Variants in DBT observed in about 807,000 individuals in gnomAD.
DBT encodes the protein dihydrolipoamide branched chain transacylase E2.
Under a neutral mutation model 51.3 loss-of-function variants are expected in DBT, and 40 were observed. The ratio of observed to expected loss-of-function variants is 0.78; its 90% confidence interval spans 0.61 to 1.02. The LOEUF (loss-of-function observed/expected upper bound fraction) is 1.02, where lower values mean the gene tolerates loss of function less well. Among genes scored for constraint, DBT ranks in the 50% least tolerant of loss-of-function variants. The pLI is 0.00. For synonymous variants in DBT, 181 were observed against 190.4 expected, an observed-to-expected ratio of 0.95 and a Z score of 0.41; for missense variants, 510 against 580.2, an observed-to-expected ratio of 0.88 and a Z score of 1.24.
At chr1:100,201,557 C>G (rs545542947) in intron 10 of DBT, among the ~76,000 whole-genome samples, 1 of 152,162 alleles carries the variant, frequency 6.6e-6, no homozygotes, top group East Asian at 1.9e-4. Context: ...CAGAAAACAC[C>G]ACAAAGATAC....
At position 100,187,561 on chromosome 1, in the gene DBT, T is replaced by C. The variant is rs1457160187; in HGVS notation, c.*8694A>G. The C allele has an allele frequency of 6.6e-6, 1 of 152,254 alleles. No individual in the cohort carries two copies. Among genetic ancestry groups the C allele is most frequent in the East Asian group, 1.9e-4 (1 of 5,204 alleles). The allele number at this position is 152,254 out of a possible 1,614,324, so 9.4% of individuals were successfully genotyped here. The stretch of plus-strand genomic sequence containing the variant: ...TTGTTTATTTGAGACAAAGTCTCAC[T>C]CTGTCACCCAGGCTGGAGTGCAGTG... On this transcript the variant is annotated 3_prime_UTR_variant, in exon 11 of 11. Coordinates refer to ENST00000370132, the MANE Select transcript of DBT (RefSeq NM_001918.5).
rs1340891542 is a variant in DBT, at chr1:100,192,957, C to T, written c.*3298G>A. On this transcript the variant is annotated 3_prime_UTR_variant, in exon 11 of 11. Transcript: ENST00000370132. ...CTAGGAGTACAGCAAGAGCCTTTTC[C>T]TCCTCCCAAACACCCATCCCTTGCT... is the stretch of plus-strand genomic sequence containing the variant. 6.6e-6 allele frequency: 1 copy of T among 152,302 alleles called. No homozygotes were observed. The highest frequency in any genetic ancestry group is 1.5e-5 in the Non-Finnish European group (1 of 68,118). The allele number at this position is 152,302 out of a possible 1,614,324, so 9.4% of individuals were successfully genotyped here.
chr1:100,242,672 C>T (rs761872160), intron 1 of DBT, among the ~76,000 whole-genome samples: 18 of 152,162 alleles, frequency 1.2e-4, no homozygotes, highest in Non-Finnish European at 2.5e-4. Context: ...TTTGTCCTTG[C>T]TTTCTCCTTC....
intron 1 of DBT, among the ~76,000 whole-genome samples, chr1:100,245,772 T>C (rs1362561935): frequency 6.6e-6 from 1 of 151,600 alleles, no homozygotes; most frequent in South Asian, 2.1e-4. Context: ...GGGCAATGCA[T>C]TGAGACTTTG....
chr1:100,236,178 G>A (rs1663858047), intron 2 of DBT, among the ~76,000 whole-genome samples: 1 of 151,592 alleles, frequency 6.6e-6, no homozygotes, highest in Non-Finnish European at 1.5e-5. Context: ...GCATACTACA[G>A]CCTCAAACTC....
At chr1:100,221,353 T>C (rs1230790121) in intron 4 of DBT, among the ~76,000 whole-genome samples, 2 of 152,196 alleles carry the variant, frequency 1.3e-5, no homozygotes, top group Non-Finnish European at 2.9e-5. Context: ...TATTTTTTGC[T>C]TTTCTTTTTT....
At chr1:100,215,871 T>C in intron 6 of DBT, 112 bp downstream of exon 6, 2 of 763,658 alleles carry the variant, frequency 2.6e-6, no homozygotes, top group Non-Finnish European at 4.7e-6. Flanking sequence ...GAAGTTGAAC[T>C]TTCCCTTCAG....
chr1:100,219,330 T>A (rs1351499604), intron 4 of DBT, among the ~76,000 whole-genome samples: 1 of 152,024 alleles, frequency 6.6e-6, no homozygotes, highest in East Asian at 1.9e-4. Flanking sequence ...CCAGCCTGGA[T>A]GACAGTGAGA....
At chr1:100,225,826 C>CAAAAAAAA (rs71084809) in intron 4 of DBT, among the ~76,000 whole-genome samples, 5 of 86,882 alleles carry the variant, frequency 5.8e-5, no homozygotes, top group Non-Finnish European at 8.3e-5. Context: ...CTCCATCTCA[C>CAAAAAAAA]AAAAAAAAAA....
In DBT at chr1:100,206,548, T is replaced by G. The variant is rs1661803035; in HGVS notation, c.1106A>C (p.Asp369Ala). 2 of 1,612,114 alleles carry G rather than the reference T, an allele frequency of 1.2e-6. No homozygotes were observed. The highest frequency in any genetic ancestry group is 8.5e-7 in the Non-Finnish European group (1 of 1,178,214). The change falls in exon 9 of 11, where the codon GAC (aspartate) becomes GCC (alanine). Residue 369 changes from aspartate (D) to alanine (A), a missense_variant. Asp to Ala is a moderately radical substitution (Grantham distance 126, BLOSUM62 -2). Coordinates refer to ENST00000370132, the MANE Select transcript of DBT (RefSeq NM_001918.5). ...GAGGCGGTTCAGTTCAGTGGCGATG[T>G]CAAATATAGAGCAGATCTGAACATT... ...VKNVQICSIF[D>A]IATELNRLQK...
intron 8 of DBT, among the ~76,000 whole-genome samples, chr1:100,209,439 T>A (rs141554915): frequency 2.0e-5 from 3 of 151,932 alleles, no homozygotes; most frequent in African/African-American, 7.3e-5. Context: ...AATAAGTATA[T>A]ACTTAATCAG....
intron 2 of DBT, among the ~76,000 whole-genome samples, chr1:100,239,727 G>C (rs1664094966): frequency 6.6e-6 from 1 of 151,916 alleles, no homozygotes; most frequent in Admixed American, 6.6e-5. Context: ...GCCAGGTGTA[G>C]TGATGCACAC....
intron 4 of DBT, among the ~76,000 whole-genome samples, chr1:100,230,037 CT>C (rs145329976): frequency 3.6e-4 from 54 of 148,174 alleles, no homozygotes; most frequent in Admixed American, 1.4e-3. Context: ...AACAAGAGTG[CT>C]TTTTTTTTTG....
chr1:100,243,322 C>CT (rs1466772544), intron 1 of DBT, among the ~76,000 whole-genome samples: 21 of 141,300 alleles, frequency 1.5e-4, no homozygotes, highest in African/African-American at 2.3e-4. Flanking sequence ...ATCTTTTTTT[C>CT]TTTTTTTTTT....
In DBT at chr1:100,191,785, CACACACACACACACACACACACAG is replaced by C. The variant is rs1356656759; in HGVS notation, c.*4446_*4469del. The C allele has an allele frequency of 3.3e-4, 44 of 131,392 alleles. No individual in the cohort carries two copies. Among genetic ancestry groups the C allele is most frequent in the Admixed American group, 1.3e-3 (17 of 13,256 alleles). The allele number at this position is 131,392 out of a possible 1,614,324, so 8.1% of individuals were successfully genotyped here. A position where few individuals can be genotyped will look rare whatever the true frequency, so the allele number is the denominator to read the frequency against. On this transcript the variant is annotated 3_prime_UTR_variant, in exon 11 of 11. Coordinates refer to ENST00000370132, the MANE Select transcript of DBT (RefSeq NM_001918.5). The stretch of plus-strand genomic sequence containing the variant: ...ACACACACACACACACACACACACA[CACACACACACACACACACACACAG>C]AGTCTTGCTCTGTCGCCCAGGCTGG...
Position 100,196,085 on chromosome 1 carries a change from AT to A in DBT, c.*169del. The A allele has an allele frequency of 1.5e-6, 1 of 678,714 alleles. No homozygotes were observed. Among genetic ancestry groups the A allele is most frequent in the Non-Finnish European group, 2.6e-6 (1 of 390,270 alleles). 42.0% of individuals were successfully genotyped at this position (678,714 alleles called of 1,614,324 possible). On this transcript the variant is annotated 3_prime_UTR_variant, in exon 11 of 11. Transcript: ENST00000370132. ...CAGGAGAACCATTACACCATTATTC[AT>A]TTTCAGTAAAAAGTCTAATAGAACA...
chr1:100,206,783 A>T, intron 8 of DBT, 147 bp from the exon 9 acceptor site: 1 of 646,132 alleles, frequency 1.5e-6, no homozygotes. Context: ...TTTAAAAATA[A>T]TTTTTAAAAG....
intron 10 of DBT, among the ~76,000 whole-genome samples, chr1:100,200,654 G>C (rs1661383513): frequency 6.6e-6 from 1 of 152,190 alleles, no homozygotes; most frequent in African/African-American, 2.4e-5. Flanking sequence ...TCATACAGGA[G>C]AGCTCTCGCT....
chr1:100,225,865 C>G (rs1434841943), intron 4 of DBT, among the ~76,000 whole-genome samples: 1 of 146,864 alleles, frequency 6.8e-6, no homozygotes, highest in Non-Finnish European at 1.5e-5. Flanking sequence ...GGCCAATTAG[C>G]TGGGCATGAT....
Sources: allele counts gnomAD v4.1 joint callset (sites outside exome capture counted in the v4.1 genomes callset), GRCh38; gene constraint gnomAD v4.1.1; transcripts MANE v1.5; gene names NCBI Gene and HGNC (gene_info 2026-07-23, HGNC 2026-07-21).